The following SLC36A1 variants were observed in gnomAD, a reference collection of about 807,000 sequenced individuals.
SLC36A1 encodes the protein solute carrier family 36 member 1, also known as proton-coupled amino acid transporter 1.
SLC36A1 carries 30 observed loss-of-function variants against 47.5 expected under a neutral mutation model. That is an observed-to-expected ratio of 0.63 (90% CI 0.47 to 0.86). The LOEUF is 0.86. Among genes scored for constraint, SLC36A1 ranks in the 40% least tolerant of loss-of-function variants. SLC36A1 has a pLI of 0.00. For synonymous variants in SLC36A1, 255 were observed against 249.7 expected (o/e 1.02, Z -0.20); for missense variants, 517 against 606.0 (o/e 0.85, Z 1.54).
At position 151,453,593 on chromosome 5, in the gene SLC36A1, A is replaced by G. The variant is rs73270276; in HGVS notation, c.-5-5195A>G. ...AAAAAATTGAAATTGGAATCCTGAA[A>G]CTTTAGAAGTGAAAGTGTACTTAGA... On this transcript the variant is annotated intron_variant, in intron 1 of 10. Transcript: ENST00000243389. 8.1e-3 allele frequency among the ~76,000 whole-genome samples: 1,234 copies of G among 152,234 alleles called. 24 individuals carry two copies. Among genetic ancestry groups the G allele is most frequent in the East Asian group, 0.027 (140 of 5,190 alleles).
chr5:151,507,735 C>G, the SLC36A1 span: 8 of 846,972 alleles, frequency 9.4e-6, no homozygotes, highest in Admixed American at 1.5e-4. Flanking sequence ...TTTTCACCCC[C>G]CAAAAAAGTA....
chr5:151,379,841 T>A, the SLC36A1 span, among the ~76,000 whole-genome samples: 2 of 152,230 alleles, frequency 1.3e-5, no homozygotes, highest in Non-Finnish European at 2.9e-5. Context: ...TTCAGATTAG[T>A]CACATTTCAA....
intron 7 of SLC36A1, among the ~76,000 whole-genome samples, chr5:151,468,633 G>A (rs1193472238): frequency 3.3e-5 from 5 of 151,252 alleles, no homozygotes; most frequent in Admixed American, 6.6e-5. Flanking sequence ...TACCAGTAGC[G>A]ATCCCTCCAT....
chr5:151,413,297 A>G, the SLC36A1 span, among the ~76,000 whole-genome samples: 1 of 151,742 alleles, frequency 6.6e-6, no homozygotes, highest in Non-Finnish European at 1.5e-5. Context: ...AATATAAAAT[A>G]TAAAGAGTGA....
At chr5:151,375,308 G>GA in the SLC36A1 span, among the ~76,000 whole-genome samples, 1 of 152,072 alleles carries the variant, frequency 6.6e-6, no homozygotes, top group Non-Finnish European at 1.5e-5. Flanking sequence ...ATCATTTATT[G>GA]AAAAGGGTAT....
the SLC36A1 span, among the ~76,000 whole-genome samples, chr5:151,499,297 G>C: frequency 5.1e-4 from 78 of 152,320 alleles, 1 homozygote; most frequent in Non-Finnish European, 3.4e-4. Flanking sequence ...GAGGCTGCCC[G>C]AGGGTTTCCA....
At chr5:151,545,879 C>A in the SLC36A1 span, 2 of 1,614,194 alleles carry the variant, frequency 1.2e-6, no homozygotes, top group Non-Finnish European at 1.7e-6. Context: ...TCATTTTCAT[C>A]AATTATGTCA....
At chr5:151,508,689 G>A in the SLC36A1 span, among the ~76,000 whole-genome samples, 4 of 150,096 alleles carry the variant, frequency 2.7e-5, no homozygotes, top group South Asian at 4.2e-4. Flanking sequence ...CAGCCTGGGC[G>A]ACAGAGTGAA....
At chr5:151,501,738 G>A in the SLC36A1 span, among the ~76,000 whole-genome samples, 1 of 148,388 alleles carries the variant, frequency 6.7e-6, no homozygotes, top group Admixed American at 6.6e-5. Flanking sequence ...ACTGAACTTT[G>A]ACAAAGGAGC....
chr5:151,481,376 C>T (rs1444997833), intron 10 of SLC36A1, among the ~76,000 whole-genome samples: 1 of 152,214 alleles, frequency 6.6e-6, no homozygotes, highest in African/African-American at 2.4e-5. Context: ...AATTGTGGGA[C>T]TCAGTAGAGG....
chr5:151,526,250 T>G, the SLC36A1 span, among the ~76,000 whole-genome samples: 5 of 152,320 alleles, frequency 3.3e-5, no homozygotes, highest in Non-Finnish European at 5.9e-5. Context: ...CTTTATTCTG[T>G]AGAGAGATGA....
At chr5:151,434,584 T>G (rs181541601), upstream of SLC36A1, among the ~76,000 whole-genome samples, 2 of 151,836 alleles carry the variant, frequency 1.3e-5, no homozygotes, top group Non-Finnish European at 2.9e-5. Flanking sequence ...AAATAGAGAA[T>G]AGAATGAAAG....
the SLC36A1 span, chr5:151,531,502 G>C: frequency 5.0e-5 from 78 of 1,558,620 alleles, no homozygotes; most frequent in Non-Finnish European, 6.5e-5. This position sits in a 1 kb window ranked among gnomAD's most constrained non-coding sequence, Gnocchi z 5.7. Flanking sequence ...CGCTGCACAG[G>C]GTAGATACCC....
the SLC36A1 span, among the ~76,000 whole-genome samples, chr5:151,388,014 G>T: frequency 6.6e-6 from 1 of 152,184 alleles, no homozygotes; most frequent in Non-Finnish European, 1.5e-5. Flanking sequence ...GCCATATCTT[G>T]AAATAGCCCT....
At chr5:151,377,149 G>A in the SLC36A1 span, among the ~76,000 whole-genome samples, 1 of 152,088 alleles carries the variant, frequency 6.6e-6, no homozygotes, top group Non-Finnish European at 1.5e-5. Context: ...ATATGTCTTG[G>A]AGAATATTCC....
chr5:151,502,025 G>A, the SLC36A1 span, among the ~76,000 whole-genome samples: 402 of 148,396 alleles, frequency 2.7e-3, 68 homozygotes, highest in African/African-American at 9.6e-3. Flanking sequence ...AATTAAAAAC[G>A]AGTAGGGCAG....
the SLC36A1 span, among the ~76,000 whole-genome samples, chr5:151,546,839 C>T: frequency 6.6e-6 from 1 of 152,072 alleles, no homozygotes; most frequent in Admixed American, 6.5e-5. Context: ...CAGCCTCAGC[C>T]TCTGGTGGGA....
chr5:151,534,290 C>G, the SLC36A1 span: 1 of 680,356 alleles, frequency 1.5e-6, no homozygotes, highest in Non-Finnish European at 2.5e-6. Context: ...TAAGTGTCCC[C>G]AGACTCAACA....
the SLC36A1 span, among the ~76,000 whole-genome samples, chr5:151,356,358 A>AAAAAAAAAAAAAAAAAAC: frequency 6.7e-6 from 1 of 149,632 alleles, no homozygotes; most frequent in Non-Finnish European, 1.5e-5. Flanking sequence ...AAAAAAAAAA[A>AAAAAAAAAAAAAAAAAAC]AAGAATACAC....
Sources: gnomAD v4.1 joint callset for allele counts (sites outside exome capture counted in the v4.1 genomes callset) on GRCh38, gnomAD v4.1.1 for gene constraint, Gnocchi (gnomAD v3.1) non-coding constraint, MANE v1.5 for transcripts, NCBI Gene and HGNC (gene_info 2026-07-23, HGNC 2026-07-21) for gene names.